Variants in MEI4 observed in about 807,000 individuals in gnomAD.
The protein encoded by MEI4 is meiotic double-stranded break formation protein 4.
In MEI4, 27 loss-of-function variants were observed where a neutral mutation model predicts 31.4. The ratio of observed to expected loss-of-function variants is 0.86; its 90% CI spans 0.63 to 1.19. MEI4 has a LOEUF of 1.19. MEI4 is among the 50% of genes most tolerant of loss of function. The probability of loss-of-function intolerance (pLI) is 0.00; values close to 1 mark genes in which losing one functional copy is unlikely to be tolerated. For synonymous variants in MEI4, 122 were observed against 145.4 expected (o/e 0.84, Z 1.16); for missense variants, 329 against 398.9 (o/e 0.82, Z 1.49).
chr6:77,736,734 G>C (rs1484768569), intron 2 of MEI4, among the ~76,000 whole-genome samples: 1 of 152,074 alleles, frequency 6.6e-6, no homozygotes, highest in Non-Finnish European at 1.5e-5. Flanking sequence ...CCTGCCCATA[G>C]CATCACACAG....
At chr6:77,833,160 C>A (rs757605508) in intron 4 of MEI4, among the ~76,000 whole-genome samples, 1 of 151,322 alleles carries the variant, frequency 6.6e-6, no homozygotes, top group Non-Finnish European at 1.5e-5. Context: ...TTAGTAGCAG[C>A]ATTTTCTTAC....
chr6:77,923,094 AG>A lies in MEI4; in HGVS notation c.907del (p.Ala303ProfsTer34), dbSNP rs1766748242. ...DDLGAINQEQASYDVSRYENI... is the reference protein window; with the variant it reads ...DDLGAINQEQXSYDVSRYENI... Reference sequence around the variant, plus strand: ...AGTTTGTTGTTTATTTGTAGGAGCAAGCCAGTTATGATGTGTCACGCTATGA... The same window carrying A: ...AGTTTGTTGTTTATTTGTAGGAGCAACCAGTTATGATGTGTCACGCTATGA... On this transcript the variant is annotated frameshift_variant, in exon 5 of 5. Transcript: ENST00000684080. LOFTEE classifies it high-confidence loss of function. 1 of 1,229,988 alleles carries A rather than the reference AG, an allele frequency of 8.1e-7. No individual in the cohort carries two copies. Among genetic ancestry groups the A allele is most frequent in the African/African-American group, 1.6e-5 (1 of 64,252 alleles). 76.2% of individuals were successfully genotyped at this position (1,229,988 alleles called of 1,614,324 possible).
At chr6:77,733,668 A>C (rs1186125270) in intron 2 of MEI4, among the ~76,000 whole-genome samples, 3 of 151,760 alleles carry the variant, frequency 2.0e-5, no homozygotes, top group Admixed American at 1.3e-4. Context: ...GCCTTCTGCT[A>C]GCTTTTGAAT....
intron 4 of MEI4, among the ~76,000 whole-genome samples, chr6:77,900,582 G>T (rs1026532490): frequency 2.6e-5 from 4 of 151,806 alleles, no homozygotes; most frequent in Admixed American, 2.0e-4. Flanking sequence ...AAATTGTAGG[G>T]ATCAAGAAAG....
At chr6:77,835,408 A>AT (rs1364679268) in intron 4 of MEI4, among the ~76,000 whole-genome samples, 28 of 117,938 alleles carry the variant, frequency 2.4e-4, no homozygotes, top group South Asian at 1.4e-3. Flanking sequence ...ACACACAAAT[A>AT]AAAAAAAAAA....
intron 1 of MEI4, among the ~76,000 whole-genome samples, chr6:77,658,589 G>T (rs945159516): frequency 6.6e-6 from 1 of 152,090 alleles, no homozygotes; most frequent in African/African-American, 2.4e-5. Flanking sequence ...AGCGGGATTA[G>T]GGGCGGCGTG....
intron 2 of MEI4, among the ~76,000 whole-genome samples, chr6:77,752,474 A>G (rs1301069507): frequency 6.6e-6 from 1 of 152,190 alleles, no homozygotes; most frequent in Non-Finnish European, 1.5e-5. Flanking sequence ...AAGAACAGAC[A>G]GAGAGCCAAA....
At chr6:77,919,398 A>C (rs1000711841) in intron 4 of MEI4, among the ~76,000 whole-genome samples, 2 of 152,128 alleles carry the variant, frequency 1.3e-5, no homozygotes, top group Admixed American at 6.6e-5. Flanking sequence ...CTGAATGACT[A>C]CTGGATACAT....
intron 2 of MEI4, among the ~76,000 whole-genome samples, chr6:77,697,160 C>T (rs948319159): frequency 1.3e-5 from 2 of 152,004 alleles, no homozygotes; most frequent in African/African-American, 2.4e-5. Context: ...TCTCTCTTTT[C>T]TTCTTTATTA....
intron 2 of MEI4, among the ~76,000 whole-genome samples, chr6:77,732,925 A>T (rs1767054131): frequency 6.6e-6 from 1 of 150,642 alleles, no homozygotes; most frequent in Non-Finnish European, 1.5e-5. Flanking sequence ...TATGCTGGTT[A>T]CATTTATTGA....
intron 1 of MEI4, among the ~76,000 whole-genome samples, chr6:77,675,549 A>T (rs1470737137): frequency 2.0e-4 from 29 of 142,048 alleles, no homozygotes; most frequent in Admixed American, 4.2e-4. Context: ...TTTTTTTTTA[A>T]AAAAAAGGTT....
At chr6:77,844,338 T>C (rs1419657208) in intron 4 of MEI4, among the ~76,000 whole-genome samples, 1 of 152,184 alleles carries the variant, frequency 6.6e-6, no homozygotes, top group Admixed American at 6.6e-5. Flanking sequence ...TGATTGCTTT[T>C]ATTGCTGTAA....
intron 4 of MEI4, among the ~76,000 whole-genome samples, chr6:77,891,121 G>A (rs914444037): frequency 1.3e-5 from 2 of 152,176 alleles, no homozygotes; most frequent in Non-Finnish European, 2.9e-5. Context: ...TTGGAAATGA[G>A]CTTTCTGAGT....
chr6:77,880,214 T>A (rs1474517860), intron 4 of MEI4, among the ~76,000 whole-genome samples: 1 of 149,502 alleles, frequency 6.7e-6, no homozygotes, highest in Non-Finnish European at 1.5e-5. Flanking sequence ...GAATGTATTA[T>A]TGTGGGGTTT....
chr6:77,791,796 C>G (rs1247670489), intron 3 of MEI4, among the ~76,000 whole-genome samples: 2 of 151,964 alleles, frequency 1.3e-5, no homozygotes, highest in Non-Finnish European at 2.9e-5. Context: ...AAAATCTAAT[C>G]TCTAGTAATT....
intron 3 of MEI4, among the ~76,000 whole-genome samples, chr6:77,813,987 T>C (rs1769632493): frequency 6.6e-6 from 1 of 152,078 alleles, no homozygotes; most frequent in South Asian, 2.1e-4. Flanking sequence ...TTTTTAAACA[T>C]GGGAAGATTT....
At chr6:77,732,509 C>T (rs1304423932) in intron 2 of MEI4, among the ~76,000 whole-genome samples, 2 of 151,506 alleles carry the variant, frequency 1.3e-5, no homozygotes, top group Non-Finnish European at 2.9e-5. Context: ...AGTTGCTTAT[C>T]AGCTTAAGGA....
intron 3 of MEI4, among the ~76,000 whole-genome samples, chr6:77,796,437 G>A (rs952767249): frequency 2.0e-5 from 3 of 152,100 alleles, no homozygotes; most frequent in African/African-American, 7.2e-5. Context: ...TCTCTTCACA[G>A]ATGACATAAT....
intron 2 of MEI4, among the ~76,000 whole-genome samples, chr6:77,737,489 C>T (rs140023370): frequency 1.3e-5 from 2 of 152,234 alleles, no homozygotes; most frequent in African/African-American, 4.8e-5. Context: ...GTGCACGTTC[C>T]TAAGGGCATG....
Sources: allele counts gnomAD v4.1 joint callset (sites outside exome capture counted in the v4.1 genomes callset), GRCh38; gene constraint gnomAD v4.1.1; transcripts MANE v1.5; gene names NCBI Gene and HGNC (gene_info 2026-07-23, HGNC 2026-07-21).